Variants in CD79B observed in about 807,000 individuals in gnomAD.
The protein encoded by CD79B is CD79b molecule.
Under a neutral mutation model 30.0 loss-of-function variants are expected in CD79B, and 7 were observed. The ratio of observed to expected loss-of-function variants is 0.23; its 90% CI spans 0.13 to 0.44. The LOEUF is 0.44. Among genes scored for constraint, CD79B ranks in the 20% least tolerant of loss-of-function variants. The pLI is 1.00. For synonymous variants in CD79B, 118 were observed against 119.2 expected (o/e 0.99, Z 0.07); for missense variants, 218 against 299.1 (o/e 0.73, Z 2.00).
chr17:63,931,256 C>G, intron 2 of CD79B, 79 bp downstream of exon 2: 2 of 1,471,654 alleles, frequency 1.4e-6, no homozygotes, highest in Non-Finnish European at 1.9e-6. Context: ...CGGACCGCCC[C>G]CAGGACAGGG....
intron 2 of CD79B, 97 bp from the exon 3 acceptor site, chr17:63,930,482 G>A (rs1219072590): frequency 4.4e-6 from 5 of 1,125,350 alleles, no homozygotes; most frequent in African/African-American, 3.1e-5. Context: ...CAGACTCCCT[G>A]GGCTTAGTCC....
intron 2 of CD79B, 21 bp downstream of exon 2, chr17:63,931,314 G>A: frequency 6.2e-7 from 1 of 1,613,308 alleles, no homozygotes; most frequent in Non-Finnish European, 8.5e-7. Context: ...GCCCTCAGAA[G>A]CGGCAGGCGA....
At chr17:63,931,962 C>T in intron 1 of CD79B, 1 of 608,978 alleles carries the variant, frequency 1.6e-6, no homozygotes, top group Non-Finnish European at 3.0e-6. Context: ...TCCTCATGCC[C>T]AGCTCAGCCT....
chr17:63,930,036 G>T (rs201998008), intron 3 of CD79B, 38 bp downstream of exon 3: 8 of 1,607,262 alleles, frequency 5.0e-6, no homozygotes, highest in Non-Finnish European at 6.8e-6. Flanking sequence ...AGGGTGGGGC[G>T]GACAGCTACA....
intron 1 of CD79B, 44 bp downstream of exon 1, chr17:63,932,151 G>A (rs747480037): frequency 2.4e-5 from 37 of 1,559,576 alleles, no homozygotes; most frequent in South Asian, 1.7e-4. Flanking sequence ...CCAGACAGCT[G>A]GAGATGAGAG....
chr17:63,930,353 G>A lies in CD79B; in HGVS notation c.151C>T (p.Arg51Cys). ...SACSRIWQSP[R>C]FIARKRGFTV... ...AAGCCCCGTTTCCTGGCTATGAAAC[G>A]TGGGCTCTGCCAGATCCGCGAACAA... The change falls in exon 3 of 6, where the codon CGT becomes TGT. Residue 51 changes from arginine to cysteine, a missense_variant. Transcript: ENST00000006750. 2 of 1,613,964 alleles carry A rather than the reference G, an allele frequency of 1.2e-6. No homozygotes were observed. Among genetic ancestry groups the A allele is most frequent in the Non-Finnish European group, 1.7e-6 (2 of 1,180,010 alleles).
rs1908181598 is a variant in CD79B at position 63,932,272 on chromosome 17, C to T, written c.-11G>A. 1 of 1,611,374 alleles carries T rather than the reference C, an allele frequency of 6.2e-7. No homozygotes were observed. Among genetic ancestry groups the T allele is most frequent in the Non-Finnish European group, 8.5e-7 (1 of 1,179,796 alleles). On this transcript the variant is annotated 5_prime_UTR_variant, in exon 1 of 6. Transcript: ENST00000006750. ...CGCCAGCCTGGCCATGGTCACCGCT[C>T]TGTCCCCGACCCCAAACCCGTGACA...
chr17:63,929,648 TG>T, intron 4 of CD79B, 121 bp downstream of exon 4: 2 of 970,938 alleles, frequency 2.1e-6, no homozygotes, highest in Non-Finnish European at 3.2e-6. Flanking sequence ...GGTGAGCCAG[TG>T]GGGACAGGCT....
At chr17:63,931,970 C>A in intron 1 of CD79B, 1 of 628,402 alleles carries the variant, frequency 1.6e-6, no homozygotes, top group Non-Finnish European at 2.9e-6. Context: ...CCCAGCTCAG[C>A]CTGATGCTCT....
intron 1 of CD79B, among the ~76,000 whole-genome samples, 196 bp from the exon 2 acceptor site, chr17:63,931,581 C>A (rs1908131116): frequency 6.6e-6 from 1 of 152,206 alleles, no homozygotes; most frequent in East Asian, 1.9e-4. Context: ...CTGCCCCCAG[C>A]CCCCTTTCTG....
At chr17:63,931,233 A>C (rs1908102334) in intron 2 of CD79B, 102 bp downstream of exon 2, 2 of 1,149,890 alleles carry the variant, frequency 1.7e-6, no homozygotes, top group Admixed American at 3.4e-5. Flanking sequence ...GAGATCAGGC[A>C]AGGGTGGGAA....
chr17:63,930,240 C>T lies in CD79B; in HGVS notation c.264G>A (p.Gln88=). Residue 88 remains glutamine, a synonymous_variant, in exon 3 of 6, where the codon CAG becomes CAA. Transcript: ENST00000006750. ...WKQEMDENPQ[Q]LKLEKGRMEE... ...CCATGCGGCCCTTTTCCAGCTTCAG[C>T]TGCTGGGGATTCTCGTCCATCTCCT... is the stretch of plus-strand genomic sequence containing the variant. 1 of 1,614,214 alleles carries T rather than the reference C, an allele frequency of 6.2e-7. No individual in the cohort carries two copies. Among genetic ancestry groups the T allele is most frequent in the South Asian group, 1.1e-5 (1 of 91,090 alleles).
rs371573435 is a variant in CD79B, at chr17:63,931,352, C to G, written c.101G>C (p.Arg34Pro). Reference sequence around the variant, plus strand: ...CTACTGACCTTTGGGATTCCGGTACCGGTCCTCCGATCTGGCTGCTGGTAC... The same window carrying G: ...CTACTGACCTTTGGGATTCCGGTACGGGTCCTCCGATCTGGCTGCTGGTAC... ...EPVPAARSED[R>P]YRNPKGSACS... The change falls in exon 2 of 6, where the codon CGG becomes CCG. Residue 34 changes from arginine to proline, a missense_variant. Coordinates refer to ENST00000006750, the MANE Select transcript of CD79B (RefSeq NM_000626.4). 13 of 1,613,884 alleles carry G rather than the reference C, an allele frequency of 8.1e-6. No individual in the cohort carries two copies. Among genetic ancestry groups the G allele is most frequent in the East Asian group, 2.2e-5 (1 of 44,890 alleles).
intron 5 of CD79B, 39 bp from the exon 6 acceptor site, chr17:63,929,363 C>T (rs753430377): frequency 1.2e-6 from 2 of 1,610,198 alleles, no homozygotes; most frequent in East Asian, 2.2e-5. Context: ...GGACCACACC[C>T]CAACCACACC....
At chr17:63,930,553 G>C (rs1428467396) in intron 2 of CD79B, 168 bp from the exon 3 acceptor site, 2 of 664,066 alleles carry the variant, frequency 3.0e-6, no homozygotes, top group African/African-American at 1.8e-5. Flanking sequence ...GCAGAGCCAC[G>C]TGAGAGGCTG....
Position 63,929,118 on chromosome 17 carries a change from G to A in CD79B, c.*108C>T. 1 of 792,940 alleles carries A rather than the reference G, an allele frequency of 1.3e-6. No homozygotes were observed. Among genetic ancestry groups the A allele is most frequent in the South Asian group, 1.4e-5 (1 of 72,076 alleles). The allele number at this position is 792,940 out of a possible 1,614,324, so 49.1% of individuals were successfully genotyped here. The stretch of plus-strand genomic sequence containing the variant: ...TGGCAGCTCTGGTGGGCCAGCTTCA[G>A]AGGCCAGCTGGGGGGTCCAGGAAAG... On this transcript the variant is annotated 3_prime_UTR_variant, in exon 6 of 6. Coordinates refer to ENST00000006750, the MANE Select transcript of CD79B (RefSeq NM_000626.4).
At chr17:63,929,697 G>T in intron 4 of CD79B, 73 bp downstream of exon 4, 1 of 1,133,268 alleles carries the variant, frequency 8.8e-7, no homozygotes, top group Non-Finnish European at 1.3e-6. Context: ...GGGAGATGGA[G>T]ACCCTGCATA....
At position 63,929,206 on chromosome 17, in the gene CD79B, G is replaced by A. The variant is rs368226880; in HGVS notation, c.*20C>T. The A allele has an allele frequency of 1.3e-6, 2 of 1,552,074 alleles. No individual in the cohort carries two copies. The highest frequency in any genetic ancestry group is 1.8e-6 in the Non-Finnish European group (2 of 1,123,416). On this transcript the variant is annotated 3_prime_UTR_variant, in exon 6 of 6. Transcript: ENST00000006750. ...CTGAGGCCAGGGAGCCTGCACCCAG[G>A]TCATGGGGCGACCTGGCTCTCACTC...
chr17:63,931,151 G>A (rs1908096530), intron 2 of CD79B, 184 bp downstream of exon 2: 2 of 678,958 alleles, frequency 2.9e-6, no homozygotes, highest in South Asian at 1.6e-5. Flanking sequence ...TGTCTGATGA[G>A]GATGACAGTG....
Sources: gnomAD v4.1 joint callset for allele counts (sites outside exome capture counted in the v4.1 genomes callset) on GRCh38, gnomAD v4.1.1 for gene constraint, MANE v1.5 for transcripts, NCBI Gene and HGNC (gene_info 2026-07-23, HGNC 2026-07-21) for gene names.